RBMS2: variants seen among roughly 807,000 people sequenced by gnomAD.
RBMS2 encodes RNA binding motif single stranded interacting protein 2, also known as RNA-binding motif, single-stranded-interacting protein 2.
RBMS2 carries 38 observed loss-of-function variants against 58.4 expected under a neutral mutation model. That is an observed-to-expected ratio of 0.65 (90% CI 0.50 to 0.85). The LOEUF (loss-of-function observed/expected upper bound fraction) is 0.85, where lower values mean the gene tolerates loss of function less well. Among genes scored for constraint, RBMS2 ranks in the 40% least tolerant of loss-of-function variants. The pLI, the probability that RBMS2 is intolerant of heterozygous loss-of-function variation, is 0.00. For synonymous variants in RBMS2, 151 were observed against 180.7 expected, an observed-to-expected ratio of 0.84 and a Z score of 1.32; for missense variants, 367 against 503.7, an observed-to-expected ratio of 0.73 and a Z score of 2.60.
chr12:56,525,569 G>C (rs1019164837), intron 1 of RBMS2, among the ~76,000 whole-genome samples: 1 of 152,024 alleles, frequency 6.6e-6, no homozygotes, highest in Non-Finnish European at 1.5e-5. Flanking sequence ...TGCAGTCTGG[G>C]CTGGAGGACA....
chr12:56,531,710 C>A (rs1288511698), intron 1 of RBMS2, among the ~76,000 whole-genome samples: 1 of 151,356 alleles, frequency 6.6e-6, no homozygotes, highest in Non-Finnish European at 1.5e-5. Flanking sequence ...CACCTGTAAT[C>A]CCAGCTACTT....
chr12:56,540,926 C>CT (rs1375193495), intron 1 of RBMS2, among the ~76,000 whole-genome samples: 1 of 152,130 alleles, frequency 6.6e-6, no homozygotes, highest in Non-Finnish European at 1.5e-5. Flanking sequence ...CATGGCAAGA[C>CT]TAAGTCTCTA....
At chr12:56,543,119 T>C in intron 1 of RBMS2, among the ~76,000 whole-genome samples, 1 of 152,014 alleles carries the variant, frequency 6.6e-6, no homozygotes, top group Non-Finnish European at 1.5e-5. Context: ...ATGATTCTCC[T>C]GCCTTGGTTT....
At chr12:56,582,536 C>G (rs1884106455) in intron 9 of RBMS2, among the ~76,000 whole-genome samples, 1 of 152,186 alleles carries the variant, frequency 6.6e-6, no homozygotes, top group Admixed American at 6.5e-5. Flanking sequence ...ACCAGTGATT[C>G]TCAAAGTGTG....
In RBMS2 at chr12:56,588,166, G is replaced by A. The variant is rs1000476308; in HGVS notation, c.1063-128G>A. On this transcript the variant is annotated intron_variant, in intron 11 of 13. Coordinates refer to ENST00000262031, the MANE Select transcript of RBMS2 (RefSeq NM_002898.4). ...CCTGAAGTGCTTTTAAGATGCAAAT[G>A]CTCAGACCAATTAAAATAGAATCTC... is the stretch of plus-strand genomic sequence containing the variant. The A allele has an allele frequency of 2.7e-5, 20 of 750,640 alleles. 1 individual carries two copies. In the South Asian group the frequency reaches 3.2e-4, roughly 12 times the overall value. 46.5% of individuals were successfully genotyped at this position (750,640 alleles called of 1,614,324 possible).
At chr12:56,522,499 C>T (rs766543988) in intron 1 of RBMS2, among the ~76,000 whole-genome samples, 1 of 152,082 alleles carries the variant, frequency 6.6e-6, no homozygotes, top group Admixed American at 6.6e-5. Flanking sequence ...CCCAACCTTC[C>T]CTCCTACCCA....
intron 4 of RBMS2, among the ~76,000 whole-genome samples, chr12:56,571,399 G>C (rs1304909435): frequency 6.6e-6 from 1 of 152,164 alleles, no homozygotes; most frequent in African/African-American, 2.4e-5. Flanking sequence ...CTCTGGGACC[G>C]GCTGCTGGGG....
At chr12:56,547,371 A>G (rs1178147772) in intron 1 of RBMS2, among the ~76,000 whole-genome samples, 1 of 151,430 alleles carries the variant, frequency 6.6e-6, no homozygotes, top group Non-Finnish European at 1.5e-5. Context: ...ACAAAAATGA[A>G]AAAAGTTTAT....
At chr12:56,556,923 C>A (rs1341705208) in intron 1 of RBMS2, among the ~76,000 whole-genome samples, 2 of 152,152 alleles carry the variant, frequency 1.3e-5, no homozygotes, top group Non-Finnish European at 2.9e-5. Flanking sequence ...GCAACTCAGA[C>A]AATTTTCTGC....
chr12:56,579,458 G>A (rs1454792500), intron 5 of RBMS2, among the ~76,000 whole-genome samples: 4 of 152,022 alleles, frequency 2.6e-5, no homozygotes, highest in Admixed American at 1.3e-4. Context: ...GTGAAACCCC[G>A]TCTCTACTAA....
intron 9 of RBMS2, among the ~76,000 whole-genome samples, chr12:56,583,208 G>A (rs1025829027): frequency 6.6e-5 from 10 of 152,172 alleles, no homozygotes; most frequent in Non-Finnish European, 1.5e-4. Flanking sequence ...GTCCCAGGAG[G>A]TGGATTGCTA....
rs76751511 is a variant in RBMS2 at position 56,581,131 on chromosome 12, G to A, written c.543-53G>A. 82,201 of 1,412,516 alleles carry A rather than the reference G, an allele frequency of 0.058. 2,815 individuals are homozygous for A. The highest frequency in any genetic ancestry group is 0.11 in the African/African-American group (7,630 of 70,658). The allele number at this position is 1,412,516 out of a possible 1,614,324, so 87.5% of individuals were successfully genotyped here. A position where few individuals can be genotyped will look rare whatever the true frequency, so the allele number is the denominator to read the frequency against. On this transcript the variant is annotated intron_variant, in intron 5 of 13. Transcript: ENST00000262031. ...AGCTTTGCTTTCTCTTTCAATGTGT[G>A]GAGAGCACAGATCCTGGAGAAGCTA...
In RBMS2 at chr12:56,574,888, C is replaced by A. The variant is rs1592473001; in HGVS notation, c.542+3033C>A. Among the ~76,000 whole-genome samples the A allele has an allele frequency of 2.6e-5, 4 of 152,278 alleles. No individual in the cohort carries two copies. In the South Asian group the frequency reaches 8.3e-4, roughly 32 times the overall value. The stretch of plus-strand genomic sequence containing the variant: ...CTTTGGCCGGACTCCGTGACTCACG[C>A]CTATAATCCTAGCACTTTGGGAGGC... On this transcript the variant is annotated intron_variant, in intron 5 of 13. Coordinates refer to ENST00000262031, the MANE Select transcript of RBMS2 (RefSeq NM_002898.4).
intron 5 of RBMS2, among the ~76,000 whole-genome samples, chr12:56,577,844 G>A (rs1397101873): frequency 2.0e-5 from 3 of 152,054 alleles, no homozygotes; most frequent in East Asian, 1.9e-4. Flanking sequence ...CGCCACGCCC[G>A]GCTAATTTTT....
At chr12:56,588,576 C>G in intron 12 of RBMS2, 1 of 596,210 alleles carries the variant, frequency 1.7e-6, no homozygotes. Context: ...GATTATGGCC[C>G]CTGTGCAAGG....
At chr12:56,533,408 CTT>C (rs1164155079) in intron 1 of RBMS2, among the ~76,000 whole-genome samples, 773 of 65,234 alleles carry the variant, frequency 0.012, 5 homozygotes, top group African/African-American at 0.022. Flanking sequence ...AGCCCTATTA[CTT>C]TTTTTTTTTT....
At chr12:56,521,510 T>G (rs967121606), upstream of RBMS2, among the ~76,000 whole-genome samples, 2 of 146,426 alleles carry the variant, frequency 1.4e-5, no homozygotes, top group East Asian at 2.0e-4. Context: ...CTGTTTTTTT[T>G]TTTTTTTTTT....
At chr12:56,581,992 C>T in intron 8 of RBMS2, 67 bp from the exon 9 acceptor site, 1 of 1,567,742 alleles carries the variant, frequency 6.4e-7, no homozygotes, top group Non-Finnish European at 8.8e-7. Context: ...TTGGCTGTGC[C>T]TATCAGTTGG....
chr12:56,535,410 A>T (rs1420254624), intron 1 of RBMS2, among the ~76,000 whole-genome samples: 3 of 149,530 alleles, frequency 2.0e-5, no homozygotes. Context: ...TGGAAGGATC[A>T]CTTGAACCCA....
Sources: gnomAD v4.1 joint callset for allele counts (sites outside exome capture counted in the v4.1 genomes callset) on GRCh38, gnomAD v4.1.1 for gene constraint, MANE v1.5 for transcripts, NCBI Gene and HGNC (gene_info 2026-07-23, HGNC 2026-07-21) for gene names.